The following LMF1 variants were observed in gnomAD, a reference collection of about 807,000 sequenced individuals.
LMF1 encodes the protein lipase maturation factor 1, also known as transmembrane protein 112.
LMF1 carries 68 observed loss-of-function variants against 60.6 expected under a neutral mutation model. The ratio of observed to expected loss-of-function variants is 1.12; its 90% CI spans 0.92 to 1.37. LMF1 has a LOEUF of 1.37. Among genes scored for constraint, LMF1 ranks in the 40% most tolerant of loss-of-function variants. The probability of loss-of-function intolerance (pLI) is 0.00; values close to 1 mark genes in which losing one functional copy is unlikely to be tolerated. For synonymous variants in LMF1, 418 were observed against 324.7 expected (o/e 1.29, Z -3.09); for missense variants, 948 against 767.2 (o/e 1.24, Z -2.78).
intron 2 of LMF1, 130 bp downstream of exon 2, chr16:954,227 A>G (rs982292147): frequency 9.8e-7 from 1 of 1,020,558 alleles, no homozygotes; most frequent in African/African-American, 1.6e-5. Flanking sequence ...CCTAAGTAAA[A>G]TGACAATACC....
At position 908,324 on chromosome 16, in the gene LMF1, G is replaced by A. The variant is rs142245970; in HGVS notation, c.663+2607C>T. On this transcript the variant is annotated intron_variant, in intron 4 of 10. Coordinates refer to ENST00000262301, the MANE Select transcript of LMF1 (RefSeq NM_022773.4). ...CCCGGAGACAGCATCCCACTTTCCT[G>A]CGCGATCTGGATGCCGGGTTGCAGC... 3.9e-3 allele frequency among the ~76,000 whole-genome samples: 589 copies of A among 152,330 alleles called. 5 individuals are homozygous for A. Among genetic ancestry groups the A allele is most frequent in the African/African-American group, 0.013 (553 of 41,552 alleles).
Position 854,498 on chromosome 16 carries a change from G to A in LMF1, c.*34C>T. 2.5e-6 allele frequency: 4 copies of A among 1,589,014 alleles called. No individual in the cohort carries two copies. Among genetic ancestry groups the A allele is most frequent in the Non-Finnish European group, 3.4e-6 (4 of 1,171,796 alleles). ...GGGCAAACGTTGCTGAGCCGCCGAGGGGCTGGGTCTTCGCCTTTATTTCTG... is the reference window on the plus strand; with the variant it reads ...GGGCAAACGTTGCTGAGCCGCCGAGAGGCTGGGTCTTCGCCTTTATTTCTG... On this transcript the variant is annotated 3_prime_UTR_variant, in exon 11 of 11. Transcript: ENST00000262301.
intron 3 of LMF1, among the ~76,000 whole-genome samples, chr16:913,716 C>A (rs2071188040): frequency 6.6e-6 from 1 of 152,228 alleles, no homozygotes; most frequent in Non-Finnish European, 1.5e-5. Flanking sequence ...CTCGGGGCAT[C>A]AGAAAAGGCA....
chr16:945,950 G>A (rs1234035339), intron 2 of LMF1, among the ~76,000 whole-genome samples: 3 of 152,194 alleles, frequency 2.0e-5, no homozygotes, highest in Non-Finnish European at 4.4e-5. Context: ...TCCCCCCGGC[G>A]TCCAGCTGCC....
At chr16:942,584 C>T (rs1406290676) in intron 2 of LMF1, among the ~76,000 whole-genome samples, 2 of 121,900 alleles carry the variant, frequency 1.6e-5, no homozygotes, top group East Asian at 5.3e-4. Context: ...CATATGTTAG[C>T]CCACCGGGTG....
intron 2 of LMF1, among the ~76,000 whole-genome samples, chr16:952,315 C>T (rs950134615): frequency 1.1e-4 from 17 of 151,196 alleles, no homozygotes; most frequent in African/African-American, 1.2e-4. Flanking sequence ...GGGACCCCCC[C>T]CCACAGGTGC....
At position 871,172 on chromosome 16, in the gene LMF1, TCGGGC is replaced by T; in HGVS notation, c.1062_1066del (p.Pro355AlafsTer91). 1 of 1,594,368 alleles carries T rather than the reference TCGGGC, an allele frequency of 6.3e-7. No homozygotes were observed. The highest frequency in any genetic ancestry group is 1.1e-5 in the South Asian group (1 of 88,558). ...GCTGAGCCACCTACCGAATCTGGGCTCGGGCCGGGCCCCTCGGATGTCCCTCTGCA... is the reference window on the plus strand; with the variant it reads ...GCTGAGCCACCTACCGAATCTGGGCTCGGGCCCCTCGGATGTCCCTCTGCA... On this transcript the variant is annotated frameshift_variant, in exon 7 of 11. Coordinates refer to ENST00000262301, the MANE Select transcript of LMF1 (RefSeq NM_022773.4). LOFTEE classifies it high-confidence loss of function.
At chr16:976,605 G>A (rs1199250588) in intron 1 of LMF1, 1 of 454,130 alleles carries the variant, frequency 2.2e-6, no homozygotes, top group Non-Finnish European at 4.4e-6. Context: ...CCCATTATCA[G>A]ACGAGAAGTG....
chr16:929,621 C>A (rs540513248), intron 3 of LMF1, among the ~76,000 whole-genome samples: 5 of 152,234 alleles, frequency 3.3e-5, no homozygotes, highest in African/African-American at 1.2e-4. Context: ...CGCTGCAGGG[C>A]GGCAGGAAGC....
intron 4 of LMF1, among the ~76,000 whole-genome samples, chr16:904,462 C>A: frequency 9.5e-6 from 1 of 105,004 alleles, no homozygotes; most frequent in East Asian, 2.9e-4. Flanking sequence ...ACGCCCGTCT[C>A]TGCTGCGTGG....
chr16:856,000 G>A (rs919202504), intron 10 of LMF1: 9 of 455,710 alleles, frequency 2.0e-5, no homozygotes, highest in Admixed American at 1.2e-4. Context: ...TCTGAATTAC[G>A]CCAGGAAAAC....
At chr16:967,868 G>A (rs964974222) in intron 1 of LMF1, among the ~76,000 whole-genome samples, 2 of 152,208 alleles carry the variant, frequency 1.3e-5, no homozygotes, top group Non-Finnish European at 2.9e-5. Context: ...GGGTAGTGGC[G>A]TTGTCACCAG....
chr16:920,107 C>A (rs1197345777), intron 3 of LMF1, among the ~76,000 whole-genome samples: 2 of 152,146 alleles, frequency 1.3e-5, no homozygotes, highest in African/African-American at 2.4e-5. Flanking sequence ...AACAGGACAT[C>A]CACACCAGCC....
At chr16:923,458 AC>A (rs1175673492) in intron 3 of LMF1, among the ~76,000 whole-genome samples, 1 of 152,094 alleles carries the variant, frequency 6.6e-6, no homozygotes, top group African/African-American at 2.4e-5. Context: ...CACCTTCCCC[AC>A]TAAAGCATCA....
chr16:946,508 C>G (rs1013872139), intron 2 of LMF1, among the ~76,000 whole-genome samples: 7 of 152,252 alleles, frequency 4.6e-5, no homozygotes, highest in African/African-American at 1.7e-4. Flanking sequence ...GCTAAGGCAA[C>G]TGATCCAAGG....
intron 10 of LMF1, among the ~76,000 whole-genome samples, chr16:857,314 C>G (rs1013037284): frequency 6.6e-6 from 1 of 152,254 alleles, no homozygotes; most frequent in Non-Finnish European, 1.5e-5. Flanking sequence ...TTCGGGTGTC[C>G]TTTTTGAGGA....
intron 10 of LMF1, among the ~76,000 whole-genome samples, chr16:859,204 G>GTGTCTCGGGACGGGTGTGAGTGA (rs2069337560): frequency 8.0e-6 from 1 of 124,242 alleles, no homozygotes; most frequent in Non-Finnish European, 1.6e-5. Flanking sequence ...GGTGTGAGTG[G>GTGTCTCGGGACGGGTGTGAGTGA]TGTCTCGGGA....
At chr16:873,020 G>T (rs1047225567) in intron 6 of LMF1, 3 of 152,266 alleles carry the variant, frequency 2.0e-5, no homozygotes, top group African/African-American at 7.2e-5. Context: ...CAGGGAACTA[G>T]GGCTCCAGAG....
chr16:933,889 G>A (rs921294039), intron 3 of LMF1: 3 of 1,170,804 alleles, frequency 2.6e-6, no homozygotes, highest in East Asian at 4.5e-5. Context: ...CGTGAGCACC[G>A]TGAACCTTCT....
Sources: allele counts gnomAD v4.1 joint callset (sites outside exome capture counted in the v4.1 genomes callset), GRCh38; gene constraint gnomAD v4.1.1; transcripts MANE v1.5; gene names NCBI Gene and HGNC (gene_info 2026-07-23, HGNC 2026-07-21).